ATF3: variants seen among roughly 807,000 people sequenced by gnomAD.
ATF3 encodes activating transcription factor 3, also known as cyclic AMP-dependent transcription factor ATF-3.
A neutral mutation model predicts 18.4 loss-of-function variants in ATF3; 10 were observed. The observed-to-expected ratio is 0.54, with a 90% confidence interval of 0.34 to 0.92. The LOEUF (loss-of-function observed/expected upper bound fraction) is 0.92. ATF3 is among the 40% of genes least tolerant of loss of function. The pLI, the probability that ATF3 is intolerant of heterozygous loss-of-function variation, is 0.02. For synonymous variants in ATF3, 78 were observed against 87.9 expected, an observed-to-expected ratio of 0.89 and a Z score of 0.63; for missense variants, 183 against 222.3, an observed-to-expected ratio of 0.82 and a Z score of 1.12.
At chr1:212,585,021 A>C (rs1244073334) in intron 1 of ATF3, among the ~76,000 whole-genome samples, 1 of 152,098 alleles carries the variant, frequency 6.6e-6, no homozygotes, top group Non-Finnish European at 1.5e-5. Context: ...TCCCCTCTCC[A>C]ACCTGTCAGA....
intron 1 of ATF3, among the ~76,000 whole-genome samples, chr1:212,594,006 G>C (rs1173128626): frequency 6.6e-6 from 1 of 152,208 alleles, no homozygotes; most frequent in Admixed American, 6.5e-5. Context: ...CTGCACATGG[G>C]TGCTCACTCA....
chr1:212,618,471 C>G lies in ATF3; in HGVS notation c.348+237C>G. 1 of 546,304 alleles carries G rather than the reference C, an allele frequency of 1.8e-6. No homozygotes were observed. Among genetic ancestry groups the G allele is most frequent in the Non-Finnish European group, 3.3e-6 (1 of 302,284 alleles). The allele number at this position is 546,304 out of a possible 1,614,324, so 33.8% of individuals were successfully genotyped here. A position where few individuals can be genotyped will look rare whatever the true frequency, so the allele number is the denominator to read the frequency against. Reference sequence around the variant, plus strand: ...GTGTGAATTCGTCTGATGCCTGACTCCCAGCAGCCTCGGCCGGTTCATACA... The same window carrying G: ...GTGTGAATTCGTCTGATGCCTGACTGCCAGCAGCCTCGGCCGGTTCATACA... On this transcript the variant is annotated intron_variant, in intron 3 of 3. Coordinates refer to ENST00000341491, the MANE Select transcript of ATF3 (RefSeq NM_001674.4). This position sits in a 1 kb window ranked among gnomAD's most constrained non-coding sequence, Gnocchi z 4.4.
chr1:212,572,099 T>A (rs1420721033), intron 1 of ATF3, among the ~76,000 whole-genome samples: 1 of 152,260 alleles, frequency 6.6e-6, no homozygotes, highest in Non-Finnish European at 1.5e-5. Flanking sequence ...ATCTATTCTA[T>A]GTCTTGATAT....
chr1:212,610,449 A>G (rs573569852), intron 1 of ATF3, among the ~76,000 whole-genome samples: 1 of 152,334 alleles, frequency 6.6e-6, no homozygotes, highest in African/African-American at 2.4e-5. Flanking sequence ...ATGCTACAAC[A>G]TACAGGCTCC....
intron 1 of ATF3, among the ~76,000 whole-genome samples, 159 bp downstream of exon 1, chr1:212,609,089 G>A (rs1450721862): frequency 6.6e-6 from 1 of 152,240 alleles, no homozygotes; most frequent in African/African-American, 2.4e-5. Context: ...CTTCTTCTAA[G>A]CCACCGCTGC....
upstream of ATF3, among the ~76,000 whole-genome samples, chr1:212,608,056 T>A (rs558521313): frequency 2.6e-5 from 4 of 152,284 alleles, no homozygotes; most frequent in East Asian, 7.8e-4. Flanking sequence ...CGCTTTTGTG[T>A]TAACCGGCGG....
intron 1 of ATF3, among the ~76,000 whole-genome samples, chr1:212,601,928 G>C (rs186327679): frequency 2.6e-5 from 4 of 152,128 alleles, no homozygotes; most frequent in Admixed American, 2.0e-4. Context: ...TTTAATTTTG[G>C]GGGGTATATA....
At chr1:212,603,102 C>T (rs907701740) in intron 1 of ATF3, among the ~76,000 whole-genome samples, 12 of 152,138 alleles carry the variant, frequency 7.9e-5, no homozygotes, top group African/African-American at 1.9e-4. Context: ...TGAGAATCAC[C>T]GCCAAACATC....
intron 2 of ATF3, among the ~76,000 whole-genome samples, 186 bp from the exon 3 acceptor site, chr1:212,617,941 G>T (rs34439738): frequency 2.9e-5 from 2 of 68,794 alleles, no homozygotes; most frequent in Non-Finnish European, 7.0e-5. Context: ...ACGTGTGTGT[G>T]TGTGCGTGTG....
rs115412700 is a variant in ATF3, at chr1:212,618,272, G to A, written c.348+38G>A. The stretch of plus-strand genomic sequence containing the variant: ...TAGCCTTACCCTTCCTCTCGCTCAC[G>A]CCTGTCTTCACCAGCTTCATGTGGC... On this transcript the variant is annotated intron_variant, in intron 3 of 3. Coordinates refer to ENST00000341491, the MANE Select transcript of ATF3 (RefSeq NM_001674.4). The surrounding 1 kb of genome is among the most constrained non-coding windows in gnomAD (Gnocchi z 4.4). 6.9e-6 allele frequency: 11 copies of A among 1,592,678 alleles called. No homozygotes were observed. Among genetic ancestry groups the A allele is most frequent in the African/African-American group, 1.3e-5 (1 of 74,558 alleles).
chr1:212,571,905 G>T (rs1443488605), intron 1 of ATF3, among the ~76,000 whole-genome samples: 1 of 148,022 alleles, frequency 6.8e-6, no homozygotes. Context: ...GTAGAGACTG[G>T]GTTTCACCAT....
chr1:212,579,813 G>C (rs1664647043), intron 1 of ATF3, among the ~76,000 whole-genome samples: 1 of 152,172 alleles, frequency 6.6e-6, no homozygotes, highest in South Asian at 2.1e-4. Flanking sequence ...AGCCGATGTG[G>C]AGTAGGGTGA....
At chr1:212,595,123 C>T (rs1360322943) in intron 1 of ATF3, among the ~76,000 whole-genome samples, 3 of 152,208 alleles carry the variant, frequency 2.0e-5, no homozygotes, top group African/African-American at 4.8e-5. Context: ...AGGATACCCA[C>T]TCCCAAGGAG....
chr1:212,591,911 G>A (rs1365106172), intron 1 of ATF3, among the ~76,000 whole-genome samples: 1 of 152,046 alleles, frequency 6.6e-6, no homozygotes, highest in Non-Finnish European at 1.5e-5. Flanking sequence ...TGCAACCTCC[G>A]CCGGGTGGGA....
chr1:212,579,006 C>CTTT (rs10565752), intron 1 of ATF3, among the ~76,000 whole-genome samples: 18 of 84,542 alleles, frequency 2.1e-4, no homozygotes, highest in South Asian at 4.1e-4. Context: ...TCTCTGGAGA[C>CTTT]TTTTTTTTTT....
upstream of ATF3, among the ~76,000 whole-genome samples, chr1:212,608,463 C>G (rs2102647049): frequency 6.6e-6 from 1 of 152,270 alleles, no homozygotes; most frequent in East Asian, 1.9e-4. Context: ...CTATCCCGGG[C>G]GGCTCCGGTC....
At chr1:212,612,894 C>G (rs1654953828) in intron 1 of ATF3, among the ~76,000 whole-genome samples, 1 of 152,208 alleles carries the variant, frequency 6.6e-6, no homozygotes, top group Non-Finnish European at 1.5e-5. Context: ...CTGGAGAGAT[C>G]TCTGGGAGGC....
chr1:212,602,943 T>C (rs1654521940), intron 1 of ATF3, among the ~76,000 whole-genome samples: 1 of 152,248 alleles, frequency 6.6e-6, no homozygotes, highest in Non-Finnish European at 1.5e-5. Flanking sequence ...CACAATATTT[T>C]AAGGATTTTT....
intron 1 of ATF3, among the ~76,000 whole-genome samples, chr1:212,566,444 G>A (rs1190071692): frequency 6.6e-6 from 1 of 152,170 alleles, no homozygotes; most frequent in Admixed American, 6.5e-5. Flanking sequence ...ACATCAGTGA[G>A]GATGAAGCTG....
Sources: allele counts gnomAD v4.1 joint callset (sites outside exome capture counted in the v4.1 genomes callset), GRCh38; gene constraint gnomAD v4.1.1; non-coding constraint Gnocchi (gnomAD v3.1); transcripts MANE v1.5; gene names NCBI Gene and HGNC (gene_info 2026-07-23, HGNC 2026-07-21).